Variants in RNF145 observed in about 807,000 individuals in gnomAD.
RNF145 encodes ring finger protein 145.
In RNF145, 12 loss-of-function variants were observed where a neutral mutation model predicts 57.3. The observed-to-expected ratio is 0.21, with a 90% CI of 0.13 to 0.34. RNF145 has a LOEUF of 0.34. Ranked by LOEUF, RNF145 falls within the 10% of genes least tolerant of loss-of-function variation. The pLI is 1.00. For synonymous variants in RNF145, 262 were observed against 288.3 expected (o/e 0.91, Z 0.92); for missense variants, 429 against 799.0 (o/e 0.54, Z 5.58).
At chr5:159,194,624 C>T (rs1785393745) in intron 3 of RNF145, 92 bp downstream of exon 3, 5 of 815,166 alleles carry the variant, frequency 6.1e-6, no homozygotes, top group Non-Finnish European at 6.2e-6. Flanking sequence ...AAAGCCTTAG[C>T]TTTACTTAAC....
At chr5:159,192,040 G>C (rs1240365040) in intron 3 of RNF145, among the ~76,000 whole-genome samples, 3 of 145,886 alleles carry the variant, frequency 2.1e-5, no homozygotes, top group Non-Finnish European at 4.5e-5. Flanking sequence ...ACCAAGAATC[G>C]AAAATATTCA....
chr5:159,177,172 T>C (rs1177931809), intron 4 of RNF145, among the ~76,000 whole-genome samples: 2 of 152,094 alleles, frequency 1.3e-5, no homozygotes, highest in African/African-American at 4.8e-5. Flanking sequence ...TAATTCAGTA[T>C]TGTGACAATT....
intron 3 of RNF145, among the ~76,000 whole-genome samples, chr5:159,187,691 G>A (rs997761573): frequency 6.6e-6 from 1 of 152,130 alleles, no homozygotes; most frequent in Non-Finnish European, 1.5e-5. Flanking sequence ...ACAATGTCTA[G>A]GGACACTTTT....
intron 2 of RNF145, among the ~76,000 whole-genome samples, chr5:159,196,231 T>TG (rs907921107): frequency 2.4e-4 from 3 of 12,250 alleles, no homozygotes; most frequent in African/African-American, 2.0e-3. Context: ...TATTATGAGT[T>TG]TTTTTTTTTT....
intron 2 of RNF145, among the ~76,000 whole-genome samples, chr5:159,196,791 T>C (rs1040776228): frequency 1.3e-5 from 2 of 152,254 alleles, no homozygotes; most frequent in Non-Finnish European, 2.9e-5. Context: ...GCATTTCCAC[T>C]GATTGTAGCT....
chr5:159,172,087 G>C (rs1333040973), intron 6 of RNF145, among the ~76,000 whole-genome samples: 3 of 152,152 alleles, frequency 2.0e-5, no homozygotes, highest in Non-Finnish European at 4.4e-5. Flanking sequence ...TTTGCAGCGG[G>C]TAACAATCTG....
intron 2 of RNF145, 147 bp from the exon 3 acceptor site, chr5:159,194,971 A>G (rs1207403092): frequency 5.3e-6 from 3 of 563,576 alleles, no homozygotes; most frequent in Non-Finnish European, 9.5e-6. Context: ...TAAGTTTAGC[A>G]TAGTGACACC....
At chr5:159,190,681 C>CA (rs58247587) in intron 3 of RNF145, among the ~76,000 whole-genome samples, 117 of 87,194 alleles carry the variant, frequency 1.3e-3, no homozygotes, top group East Asian at 3.6e-3. Flanking sequence ...ACAACCATCT[C>CA]AAAAAAAAAA....
At chr5:159,169,580 C>T in intron 7 of RNF145, 99 bp downstream of exon 7, 1 of 1,024,924 alleles carries the variant, frequency 9.8e-7, no homozygotes. Flanking sequence ...TCTCCAATTC[C>T]ATTTCTTCTA....
At chr5:159,169,518 G>T (rs1784481710) in intron 7 of RNF145, among the ~76,000 whole-genome samples, 161 bp downstream of exon 7, 1 of 152,056 alleles carries the variant, frequency 6.6e-6, no homozygotes, top group Non-Finnish European at 1.5e-5. Context: ...ACATGGAAAT[G>T]TATTTTTTCA....
intron 2 of RNF145, among the ~76,000 whole-genome samples, chr5:159,198,038 G>C (rs138274581): frequency 6.6e-5 from 10 of 151,940 alleles, no homozygotes; most frequent in Non-Finnish European, 1.5e-4. Flanking sequence ...TTAGGAGTTC[G>C]AGACCAGCCT....
chr5:159,187,013 G>A (rs1468190343), intron 3 of RNF145, among the ~76,000 whole-genome samples: 3 of 151,204 alleles, frequency 2.0e-5, no homozygotes, highest in Admixed American at 1.3e-4. Flanking sequence ...GGGCGTGGTA[G>A]CTCATGCCTG....
At chr5:159,205,869 T>A (rs1054959743) in intron 1 of RNF145, among the ~76,000 whole-genome samples, 1 of 152,174 alleles carries the variant, frequency 6.6e-6, no homozygotes, top group South Asian at 2.1e-4. Flanking sequence ...TTTTAAAATG[T>A]GCCCATTTTC....
At chr5:159,176,034 C>T (rs924007117) in intron 5 of RNF145, among the ~76,000 whole-genome samples, 3 of 152,036 alleles carry the variant, frequency 2.0e-5, no homozygotes, top group Admixed American at 6.6e-5. Context: ...GAAACTTTTA[C>T]AAAAAGCATG....
chr5:159,186,129 GC>G lies in RNF145; in HGVS notation c.294-4079del, dbSNP rs1197873629. Among the ~76,000 whole-genome samples the G allele has an allele frequency of 2.8e-4, 42 of 152,228 alleles. 1 individual carries two copies. Among genetic ancestry groups the G allele is most frequent in the Admixed American group, 7.8e-4 (12 of 15,298 alleles). The stretch of plus-strand genomic sequence containing the variant: ...AGTCCCGGCTACTTGGGAGGCTGAG[GC>G]GGGAGAATTGTGTGGACCTGGTAGG... On this transcript the variant is annotated intron_variant, in intron 3 of 10. Transcript: ENST00000424310.
At chr5:159,182,145 C>A in intron 3 of RNF145, 94 bp from the exon 4 acceptor site, 1 of 647,242 alleles carries the variant, frequency 1.5e-6, no homozygotes. Context: ...AATGATACCC[C>A]TTTCCATATC....
chr5:159,177,688 G>A (rs1334539740), intron 4 of RNF145, among the ~76,000 whole-genome samples: 1 of 151,866 alleles, frequency 6.6e-6, no homozygotes, highest in Non-Finnish European at 1.5e-5. Context: ...TACTGAATCA[G>A]AAAAAAACAT....
chr5:159,199,126 A>G (rs897073357), intron 2 of RNF145, among the ~76,000 whole-genome samples: 2 of 152,212 alleles, frequency 1.3e-5, no homozygotes, highest in Non-Finnish European at 2.9e-5. Context: ...GGACCCTTAG[A>G]ATGCAACATA....
intron 4 of RNF145, 26 bp downstream of exon 4, chr5:159,181,934 C>A: frequency 2.2e-6 from 3 of 1,356,388 alleles, no homozygotes; most frequent in East Asian, 2.3e-5. Flanking sequence ...TTCCTACCTA[C>A]ACTTTAATTC....
Sources: gnomAD v4.1 joint callset for allele counts (sites outside exome capture counted in the v4.1 genomes callset) on GRCh38, gnomAD v4.1.1 for gene constraint, MANE v1.5 for transcripts, NCBI Gene and HGNC (gene_info 2026-07-23, HGNC 2026-07-21) for gene names.